Variants in TMEM208 observed in about 807,000 individuals in gnomAD.
The protein encoded by TMEM208 is transmembrane protein 208.
A neutral mutation model predicts 26.4 loss-of-function variants in TMEM208; 19 were observed. The observed-to-expected ratio is 0.72, with a 90% CI of 0.50 to 1.06. The LOEUF (loss-of-function observed/expected upper bound fraction) is 1.06, where lower values mean the gene tolerates loss of function less well. TMEM208 is among the 50% of genes least tolerant of loss of function. The pLI, the probability that TMEM208 is intolerant of heterozygous loss-of-function variation, is 0.00. For missense variants in TMEM208, 183 were observed against 219.8 expected (o/e 0.83, Z 1.06); for synonymous variants, 93 against 83.1 (o/e 1.12, Z -0.65).
At chr16:67,228,273 C>A in intron 2 of TMEM208, 82 bp from the exon 3 acceptor site, 1 of 1,492,920 alleles carries the variant, frequency 6.7e-7, no homozygotes, top group Admixed American at 1.7e-5. Flanking sequence ...CACAGCCTGG[C>A]CTAATTCTTG....
chr16:67,228,254 T>C, intron 2 of TMEM208, 101 bp from the exon 3 acceptor site: 2 of 1,343,356 alleles, frequency 1.5e-6, no homozygotes, highest in Non-Finnish European at 2.1e-6. Flanking sequence ...AGAACAACCT[T>C]GCTCCTCCCA....
In TMEM208 at chr16:67,227,638, A is replaced by G. The variant is rs1012253654; in HGVS notation, c.7-198A>G. 2.6e-5 allele frequency: 15 copies of G among 584,744 alleles called. No individual in the cohort carries two copies. In the African/African-American group the frequency reaches 2.8e-4, roughly 11 times the overall value. 36.2% of individuals were successfully genotyped at this position (584,744 alleles called of 1,614,324 possible). On this transcript the variant is annotated intron_variant, in intron 1 of 5. Transcript: ENST00000304800. ...GGGCGAGCAAGAGGCGATTGATCCT[A>G]GCTGCGGGTGCTGGAGAGATGGCGT... is the stretch of plus-strand genomic sequence containing the variant.
At position 67,228,553 on chromosome 16, in the gene TMEM208, T is replaced by C. The variant is rs759788231; in HGVS notation, c.221T>C (p.Met74Thr). 3 of 1,610,870 alleles carry C rather than the reference T, an allele frequency of 1.9e-6. No homozygotes were observed. The highest frequency in any genetic ancestry group is 2.5e-6 in the Non-Finnish European group (3 of 1,177,684). ...GCCAGCTACCACTCTATGAGCTCGA[T>C]GGCACGAGCAGCGTTCTCTGAGGAT... ...YGASYHSMSS[M>T]ARAAFSEDGA... Residue 74 changes from methionine to threonine, a missense_variant, in exon 4 of 6, where the codon ATG (methionine) becomes ACG (threonine). Transcript: ENST00000304800.
rs777656411 is a variant in TMEM208 at position 67,228,821 on chromosome 16, G to C, written c.324G>C (p.Leu108=). The change falls in exon 5 of 6, where the codon CTG becomes CTC. Residue 108 remains leucine (L), a synonymous_variant. Transcript: ENST00000304800. ...GGCACCTTAAGGATGTGATCCTACT[G>C]ACAGCCATCGTGCAGGTGCTCAGCT... ...MAEHLKDVIL[L]TAIVQVLSCF... The C allele has an allele frequency of 6.2e-7, 1 of 1,613,904 alleles. No individual in the cohort carries two copies. The highest frequency in any genetic ancestry group is 2.2e-5 in the East Asian group (1 of 44,890).
At chr16:67,228,187 TCA>T (rs1014345173) in intron 2 of TMEM208, 166 bp from the exon 3 acceptor site, 1 of 766,910 alleles carries the variant, frequency 1.3e-6, no homozygotes, top group African/African-American at 1.7e-5. Context: ...GAGTTGGGTG[TCA>T]GAGGAGAGTG....
In TMEM208 at chr16:67,227,303, T is replaced by G. The variant is rs1597307949; in HGVS notation, c.6+79T>G. 4 of 1,562,958 alleles carry G rather than the reference T, an allele frequency of 2.6e-6. 1 individual carries two copies. In the Admixed American group the frequency reaches 7.2e-5, roughly 28 times the overall value. On this transcript the variant is annotated intron_variant, in intron 1 of 5. Transcript: ENST00000304800. ...TGAGAGTGAAAACTGAGAAAGAACATTAAGGGATATGGGGTGGGCCAGAGC... is the reference window on the plus strand; with the variant it reads ...TGAGAGTGAAAACTGAGAAAGAACAGTAAGGGATATGGGGTGGGCCAGAGC...
rs1284508167 is a variant in TMEM208 at position 67,227,157 on chromosome 16, C to G, written c.-62C>G. The G allele has an allele frequency of 1.1e-5, 17 of 1,605,570 alleles. No individual in the cohort carries two copies. The highest frequency in any genetic ancestry group is 2.2e-5 in the South Asian group (2 of 90,042). ...AAGTGCATGAGCTGCCGATGTGGTG[C>G]TTAGTGATTGCGGTTTCGGTCGCTC... On this transcript the variant is annotated 5_prime_UTR_variant, in exon 1 of 6. Transcript: ENST00000304800.
At chr16:67,228,749 G>A (rs1488674218) in intron 4 of TMEM208, 48 bp from the exon 5 acceptor site, 2 of 1,582,614 alleles carry the variant, frequency 1.3e-6, no homozygotes, top group Admixed American at 3.6e-5. Flanking sequence ...ACTTGAAAAG[G>A]GTGGAAGGGC....
At chr16:67,228,923 C>G (rs565949238) in intron 5 of TMEM208, 42 bp downstream of exon 5, 5 of 1,612,404 alleles carry the variant, frequency 3.1e-6, no homozygotes. Flanking sequence ...GCATCTAACC[C>G]TCCCCATCTT....
intron 2 of TMEM208, 118 bp from the exon 3 acceptor site, chr16:67,228,237 C>A: frequency 8.5e-7 from 1 of 1,175,952 alleles, no homozygotes; most frequent in Non-Finnish European, 1.3e-6. Flanking sequence ...CTTTCTTCAA[C>A]CCTGTAAGAA....
rs989587321 is a variant in TMEM208 at position 67,227,146 on chromosome 16, C to T, written c.-73C>T. ...GTCTGCGCCGGAAGTGCATGAGCTG[C>T]CGATGTGGTGCTTAGTGATTGCGGT... On this transcript the variant is annotated 5_prime_UTR_variant, in exon 1 of 6. Transcript: ENST00000304800. The T allele has an allele frequency of 4.4e-6, 7 of 1,599,082 alleles. No homozygotes were observed. The highest frequency in any genetic ancestry group is 6.0e-6 in the Non-Finnish European group (7 of 1,169,302).
In TMEM208 at chr16:67,228,784, T is replaced by C. The variant is rs2034126494; in HGVS notation, c.300-13T>C. On this transcript the variant is annotated splice_polypyrimidine_tract_variant and intron_variant, in intron 4 of 5. Coordinates refer to ENST00000304800, the MANE Select transcript of TMEM208 (RefSeq NM_014187.4). ...CCCATATGCTGTCTTTCCAGCTTTA[T>C]TTCTATCCACAGGCACCTTAAGGAT... 1 of 1,608,274 alleles carries C rather than the reference T, an allele frequency of 6.2e-7. No individual in the cohort carries two copies. The highest frequency in any genetic ancestry group is 1.7e-5 in the Admixed American group (1 of 58,394).
chr16:67,229,266 G>A lies in TMEM208; in HGVS notation c.*153G>A, dbSNP rs1215125295. 1 of 776,918 alleles carries A rather than the reference G, an allele frequency of 1.3e-6. No individual in the cohort carries two copies. The highest frequency in any genetic ancestry group is 1.7e-5 in the African/African-American group (1 of 57,214). The allele number at this position is 776,918 out of a possible 1,614,324, so 48.1% of individuals were successfully genotyped here. On this transcript the variant is annotated 3_prime_UTR_variant, in exon 6 of 6. Transcript: ENST00000304800. ...TACTCTATAGGGTCGTTGAATAAAT[G>A]GCTTAGAATGTGGCTGATGGCTGTG...
chr16:67,227,285 GA>G, intron 1 of TMEM208, 61 bp downstream of exon 1: 4 of 1,581,366 alleles, frequency 2.5e-6, no homozygotes, highest in Non-Finnish European at 3.4e-6. Flanking sequence ...CTGTGAGAGT[GA>G]AAACTGAGAA....
intron 2 of TMEM208, 79 bp downstream of exon 2, chr16:67,228,010 G>A: frequency 1.7e-6 from 2 of 1,202,768 alleles, no homozygotes; most frequent in South Asian, 2.9e-5. Flanking sequence ...GACGAGGAGT[G>A]GTACCCGAAA....
Position 67,229,136 on chromosome 16 carries a change from C to T in TMEM208, c.*23C>T. On this transcript the variant is annotated 3_prime_UTR_variant, in exon 6 of 6. Coordinates refer to ENST00000304800, the MANE Select transcript of TMEM208 (RefSeq NM_014187.4). ...TAGCCATTGACATTGTGGCCACAGG[C>T]CACTGGCCCTGGGTGGCTCTGTCAG... 6.4e-7 allele frequency: 1 copy of T among 1,571,292 alleles called. No homozygotes were observed. The highest frequency in any genetic ancestry group is 8.6e-7 in the Non-Finnish European group (1 of 1,158,658).
chr16:67,227,724 TG>T (rs1567378300), intron 1 of TMEM208, 111 bp from the exon 2 acceptor site: 1 of 811,260 alleles, frequency 1.2e-6, no homozygotes, highest in African/African-American at 1.7e-5. Flanking sequence ...GCTAGGTTTC[TG>T]CACTACGGGG....
Position 67,227,885 on chromosome 16 carries a change from A to G in TMEM208, c.56A>G (p.Asn19Ser). The G allele has an allele frequency of 6.2e-7, 1 of 1,612,012 alleles. No homozygotes were observed. The highest frequency in any genetic ancestry group is 2.2e-5 in the East Asian group (1 of 44,838). Residue 19 changes from asparagine to serine, a missense_variant, in exon 2 of 6, where the codon AAC becomes AGC. Asn to Ser is a conservative substitution (Grantham distance 46). Transcript: ENST00000304800. ...TRGKKQIFEENRETLKFYLRI... is the reference protein window; with the variant it reads ...TRGKKQIFEESRETLKFYLRI... ...GGGAAGAAGCAGATATTTGAAGAGAACAGAGAGACTCTGAAGTTCTACCTG... is the reference window on the plus strand; with the variant it reads ...GGGAAGAAGCAGATATTTGAAGAGAGCAGAGAGACTCTGAAGTTCTACCTG...
At chr16:67,227,774 G>C in intron 1 of TMEM208, 62 bp from the exon 2 acceptor site, 1 of 1,376,598 alleles carries the variant, frequency 7.3e-7, no homozygotes, top group East Asian at 2.5e-5. Context: ...TAGCTCACCA[G>C]GCTGGTGGGG....
Sources: allele counts gnomAD v4.1 joint callset, GRCh38; gene constraint gnomAD v4.1.1; transcripts MANE v1.5; gene names NCBI Gene and HGNC (gene_info 2026-07-23, HGNC 2026-07-21).